CD63: variants seen among roughly 807,000 people sequenced by gnomAD.
CD63 encodes CD63 molecule.
In CD63, 16 loss-of-function variants were observed where a neutral mutation model predicts 29.2. The observed-to-expected ratio is 0.55, with a 90% CI of 0.37 to 0.83. The LOEUF (loss-of-function observed/expected upper bound fraction) is 0.83, where lower values mean the gene tolerates loss of function less well. Ranked by LOEUF, CD63 falls within the 40% of genes least tolerant of loss-of-function variation. The probability of loss-of-function intolerance (pLI) is 0.00; values close to 1 mark genes in which losing one functional copy is unlikely to be tolerated. For missense variants in CD63, 251 were observed against 297.3 expected, an observed-to-expected ratio of 0.84 and a Z score of 1.15; for synonymous variants, 118 against 111.7, an observed-to-expected ratio of 1.06 and a Z score of -0.36.
At position 55,725,387 on chromosome 12, in the gene CD63, G is replaced by A. The variant is rs1877189055; in HGVS notation, c.*174C>T. The A allele has an allele frequency of 3.0e-5, 19 of 632,254 alleles. No individual in the cohort carries two copies. In the East Asian group the frequency reaches 5.1e-4, roughly 17 times the overall value. The allele number at this position is 632,254 out of a possible 1,614,324, so 39.2% of individuals were successfully genotyped here. Reference sequence around the variant, plus strand: ...CCAAAATAGACCTCGAAGTACACATGCATTAAGGTCCCAGAGGACAGGGAA... The same window carrying A: ...CCAAAATAGACCTCGAAGTACACATACATTAAGGTCCCAGAGGACAGGGAA... On this transcript the variant is annotated 3_prime_UTR_variant, in exon 8 of 8. Transcript: ENST00000257857.
chr12:55,727,958 G>T, intron 2 of CD63: 1 of 1,204,820 alleles, frequency 8.3e-7, no homozygotes, highest in Non-Finnish European at 1.1e-6. Context: ...GCGAAGGGAA[G>T]CCCCATGGCG....
downstream of CD63, chr12:55,723,550 GTTTT>G (rs769146695): frequency 9.2e-6 from 3 of 325,296 alleles, no homozygotes; most frequent in South Asian, 5.3e-5. Flanking sequence ...GCTGATAATG[GTTTT>G]TTTTATTTTT....
chr12:55,724,427 G>A (rs62638193), downstream of CD63: 147 of 1,614,008 alleles, frequency 9.1e-5, no homozygotes, highest in Admixed American at 3.5e-4. Flanking sequence ...CCCCGAACCC[G>A]CTACAGCCCA....
intron 3 of CD63, 87 bp from the exon 4 acceptor site, chr12:55,727,051 A>G: frequency 6.4e-7 from 1 of 1,566,024 alleles, no homozygotes; most frequent in Non-Finnish European, 8.8e-7. Flanking sequence ...GACACTCACA[A>G]AGGTCTTCCT....
rs1156792953 is a variant in CD63, at chr12:55,728,312, C to T, written c.30G>A (p.Val10=). Residue 10 remains valine, a synonymous_variant, in exon 2 of 8, where the codon GTG becomes GTA. Coordinates refer to ENST00000257857, the MANE Select transcript of CD63 (RefSeq NM_001780.6). The surrounding 1 kb of genome is among the most constrained non-coding windows in gnomAD (Gnocchi z 4.8). ...GCAGGAGGACGTAGAGCAAGAACTTCACACATTTCATTCCTCCTTCCACCG... is the reference window on the plus strand; with the variant it reads ...GCAGGAGGACGTAGAGCAAGAACTTTACACATTTCATTCCTCCTTCCACCG... MAVEGGMKC[V]KFLLYVLLLA... is the part of the protein sequence containing the mutation. 1 of 1,611,416 alleles carries T rather than the reference C, an allele frequency of 6.2e-7. No individual in the cohort carries two copies. Among genetic ancestry groups the T allele is most frequent in the Non-Finnish European group, 8.5e-7 (1 of 1,179,374 alleles).
chr12:55,726,369 A>C, intron 5 of CD63, 108 bp from the exon 6 acceptor site: 1 of 1,000,828 alleles, frequency 1.0e-6, no homozygotes, highest in Non-Finnish European at 1.4e-6. Context: ...TGAGACAGAG[A>C]CTTGCTCTGT....
rs1407563137 is a variant in CD63, at chr12:55,725,404, G to A, written c.*157C>T. The A allele has an allele frequency of 2.9e-6, 2 of 682,096 alleles. No individual in the cohort carries two copies. Among genetic ancestry groups the A allele is most frequent in the East Asian group, 2.6e-5 (1 of 38,346 alleles). The allele number at this position is 682,096 out of a possible 1,614,324, so 42.3% of individuals were successfully genotyped here. On this transcript the variant is annotated 3_prime_UTR_variant, in exon 8 of 8. Transcript: ENST00000257857. Reference sequence around the variant, plus strand: ...GTACACATGCATTAAGGTCCCAGAGGACAGGGAACATCAGTAAGGAAAGGA... The same window carrying A: ...GTACACATGCATTAAGGTCCCAGAGAACAGGGAACATCAGTAAGGAAAGGA...
At chr12:55,724,268 A>T, downstream of CD63, 1 of 1,598,366 alleles carries the variant, frequency 6.3e-7, no homozygotes, top group Non-Finnish European at 8.6e-7. Context: ...ACAGTACCTA[A>T]GATGGGCTGG....
chr12:55,727,992 T>G, intron 2 of CD63: 1 of 1,024,294 alleles, frequency 9.8e-7, no homozygotes, highest in Admixed American at 3.5e-5. Flanking sequence ...GTTGGCTGGT[T>G]GCCCCACTGC....
intron 2 of CD63, chr12:55,727,572 C>T: frequency 7.7e-7 from 1 of 1,303,026 alleles, no homozygotes; most frequent in Middle Eastern, 2.9e-4. Context: ...AATTCAAAAA[C>T]CTCCCAGAAA....
chr12:55,723,601 A>G, downstream of CD63: 1 of 430,872 alleles, frequency 2.3e-6, no homozygotes, highest in Non-Finnish European at 4.3e-6. Flanking sequence ...TAAGTACCTG[A>G]TAATATCATT....
chr12:55,724,152 G>C, downstream of CD63: 1 of 1,489,370 alleles, frequency 6.7e-7, no homozygotes, highest in African/African-American at 1.4e-5. Context: ...CCCAGGGCAG[G>C]GTTGAGGGTG....
downstream of CD63, chr12:55,724,363 C>T (rs779402316): frequency 6.2e-7 from 1 of 1,614,194 alleles, no homozygotes; most frequent in Non-Finnish European, 8.5e-7. Flanking sequence ...GATCTGTGAC[C>T]CGGACCTAAC....
At position 55,726,960 on chromosome 12, in the gene CD63, G is replaced by A. The variant is rs776564735; in HGVS notation, c.260C>T (p.Ala87Val). ...KENYCLMITFAIFLSLIMLVE... is the reference protein window; with the variant it reads ...KENYCLMITFVIFLSLIMLVE... ...CAACATGATAAGAGACAGAAAGATG[G>A]CAAACTGCAGGAGCAAAGGACAGAA... is the stretch of plus-strand genomic sequence containing the variant. The change falls in exon 4 of 8, where the codon GCC (alanine) becomes GTC (valine). Residue 87 changes from alanine (A) to valine (V), a missense_variant. Ala to Val is a moderately conservative substitution (Grantham distance 64). Transcript: ENST00000257857. 2 of 1,613,908 alleles carry A rather than the reference G, an allele frequency of 1.2e-6. No individual in the cohort carries two copies. The highest frequency in any genetic ancestry group is 2.2e-5 in the South Asian group (2 of 91,070).
Position 55,728,059 on chromosome 12 carries a change from G to A in CD63, c.66+217C>T, listed in dbSNP as rs926638678. 4.6e-5 allele frequency among the ~76,000 whole-genome samples: 7 copies of A among 151,942 alleles called. No individual in the cohort carries two copies. Among genetic ancestry groups the A allele is most frequent in the Non-Finnish European group, 8.8e-5 (6 of 67,990 alleles). ...GGAAGGGCCAGGAGGGATGGGGGTA[G>A]GGGTTGCTGCACACCCAGGATGGCC... On this transcript the variant is annotated intron_variant, in intron 2 of 7. Coordinates refer to ENST00000257857, the MANE Select transcript of CD63 (RefSeq NM_001780.6). This position sits in a 1 kb window ranked among gnomAD's most constrained non-coding sequence, Gnocchi z 4.8.
rs1041579507 is a variant in CD63, at chr12:55,727,706, G to A, written c.67-367C>T. Reference sequence around the variant, plus strand: ...ATCCTCCAGTGCACATCCCACGCGCGCATCAGCTGTGACTAAGGTTCCTCT... The same window carrying A: ...ATCCTCCAGTGCACATCCCACGCGCACATCAGCTGTGACTAAGGTTCCTCT... On this transcript the variant is annotated intron_variant, in intron 2 of 7. Coordinates refer to ENST00000257857, the MANE Select transcript of CD63 (RefSeq NM_001780.6). 1.5e-5 allele frequency: 16 copies of A among 1,050,932 alleles called. No homozygotes were observed. In the South Asian group the frequency reaches 4.9e-4, roughly 32 times the overall value. 65.1% of individuals were successfully genotyped at this position (1,050,932 alleles called of 1,614,324 possible). A position where few individuals can be genotyped will look rare whatever the true frequency, so the allele number is the denominator to read the frequency against.
chr12:55,729,618 GA>G (rs1877783185), upstream of CD63: 1 of 152,052 alleles, frequency 6.6e-6, no homozygotes, highest in Non-Finnish European at 1.5e-5. Flanking sequence ...CTAGAGTGGG[GA>G]TTTCTGGCCC....
Position 55,728,833 on chromosome 12 carries a change from C to T in CD63, c.-12+120G>A. The T allele has an allele frequency of 1.0e-6, 1 of 991,962 alleles. No individual in the cohort carries two copies. Among genetic ancestry groups the T allele is most frequent in the Non-Finnish European group, 1.2e-6 (1 of 833,818 alleles). The allele number at this position is 991,962 out of a possible 1,614,324, so 61.4% of individuals were successfully genotyped here. ...CAGGGAACTTCGAAGCAAAGTTGCT[C>T]CAGGGCGGCTGGAGAGCGCCGGACG... On this transcript the variant is annotated intron_variant, in intron 1 of 7. Transcript: ENST00000257857. The surrounding 1 kb of genome is among the most constrained non-coding windows in gnomAD (Gnocchi z 4.8).
At chr12:55,725,648 GGGGT>G in intron 7 of CD63, 22 bp from the exon 8 acceptor site, 7 of 1,610,616 alleles carry the variant, frequency 4.3e-6, no homozygotes, top group Non-Finnish European at 5.1e-6. Flanking sequence ...GATGGGGACA[GGGGT>G]GGAGAGGAGT....
Sources: gnomAD v4.1 joint callset for allele counts (sites outside exome capture counted in the v4.1 genomes callset) on GRCh38, gnomAD v4.1.1 for gene constraint, Gnocchi (gnomAD v3.1) non-coding constraint, MANE v1.5 for transcripts, NCBI Gene and HGNC (gene_info 2026-07-23, HGNC 2026-07-21) for gene names.